Variants in NPR3 observed in about 807,000 individuals in gnomAD.
NPR3 encodes atrial natriuretic peptide receptor 3.
In NPR3, 34 loss-of-function variants were observed where a neutral mutation model predicts 54.5. The observed-to-expected ratio is 0.62, with a 90% CI of 0.47 to 0.83. The LOEUF is 0.83. Ranked by LOEUF, NPR3 falls within the 40% of genes least tolerant of loss-of-function variation. The pLI, the probability that NPR3 is intolerant of heterozygous loss-of-function variation, is 0.00. For missense variants in NPR3, 674 were observed against 720.8 expected, an observed-to-expected ratio of 0.94 and a Z score of 0.74; for synonymous variants, 289 against 297.1, an observed-to-expected ratio of 0.97 and a Z score of 0.28.
chr5:32,778,338 G>A (rs1293779502), intron 4 of NPR3, among the ~76,000 whole-genome samples: 1 of 152,064 alleles, frequency 6.6e-6, no homozygotes, highest in Non-Finnish European at 1.5e-5. Context: ...TCCATTTGAG[G>A]GTAGGCCTAA....
chr5:32,711,168 T>C (rs960458081), upstream of NPR3, among the ~76,000 whole-genome samples: 56 of 152,020 alleles, frequency 3.7e-4, no homozygotes, highest in African/African-American at 1.4e-3. Context: ...TGTAAGAATG[T>C]TAATGAGAGA....
intron 3 of NPR3, among the ~76,000 whole-genome samples, chr5:32,759,263 A>G (rs1273052140): frequency 1.3e-5 from 2 of 151,444 alleles, no homozygotes; most frequent in East Asian, 3.9e-4. Flanking sequence ...ATCTCTAAGG[A>G]CTTGCTTTAT....
At chr5:32,708,088 G>C (rs913958608), upstream of NPR3, among the ~76,000 whole-genome samples, 1 of 149,806 alleles carries the variant, frequency 6.7e-6, no homozygotes, top group Non-Finnish European at 1.5e-5. Flanking sequence ...AAGTCTATTA[G>C]TTTCTGAAAT....
chr5:32,732,247 C>CAAAAAAAA (rs34564234), intron 2 of NPR3, among the ~76,000 whole-genome samples: 1 of 33,000 alleles, frequency 3.0e-5, no homozygotes. Flanking sequence ...GACTCCGTCT[C>CAAAAAAAA]AAAAAAAAAA....
chr5:32,728,510 A>G (rs1018561889), intron 2 of NPR3, among the ~76,000 whole-genome samples: 3 of 151,184 alleles, frequency 2.0e-5, no homozygotes, highest in Non-Finnish European at 4.4e-5. Context: ...GTATTGCCAG[A>G]TTTTAATATC....
intron 3 of NPR3, among the ~76,000 whole-genome samples, chr5:32,759,348 C>T (rs1741026306): frequency 6.6e-6 from 1 of 152,162 alleles, no homozygotes; most frequent in African/African-American, 2.4e-5. Context: ...GATCCCTTTA[C>T]CATTATGTAA....
chr5:32,774,753 G>C lies in NPR3; in HGVS notation c.1105G>C (p.Val369Leu). ...ATTCCACGATGCCATCCTCCTCTAC[G>C]TCTTGGCTCTACATGAAGTACTCAG... ...EGFHDAILLY[V>L]LALHEVLRAG... The change falls in exon 4 of 8, where the codon GTC becomes CTC. Residue 369 changes from valine to leucine, a missense_variant. By Grantham distance (32) the Val-to-Leu change is conservative. Transcript: ENST00000265074. The C allele has an allele frequency of 1.2e-6, 2 of 1,607,606 alleles. No homozygotes were observed. Among genetic ancestry groups the C allele is most frequent in the Non-Finnish European group, 1.7e-6 (2 of 1,174,152 alleles).
intron 7 of NPR3, among the ~76,000 whole-genome samples, chr5:32,785,871 G>A (rs180953922): frequency 2.0e-5 from 3 of 152,288 alleles, no homozygotes; most frequent in African/African-American, 7.2e-5. Flanking sequence ...GACCCTTTGT[G>A]GGAACAATTG....
chr5:32,708,553 A>C (rs866702053), upstream of NPR3, among the ~76,000 whole-genome samples: 7 of 152,226 alleles, frequency 4.6e-5, no homozygotes, highest in African/African-American at 1.7e-4. Context: ...TTTACTTTGA[A>C]TACAATCCCA....
chr5:32,737,083 T>C (rs1739787364), intron 2 of NPR3, among the ~76,000 whole-genome samples: 1 of 152,230 alleles, frequency 6.6e-6, no homozygotes, highest in Non-Finnish European at 1.5e-5. Context: ...TGTGCTGTGA[T>C]GTAGGCTCAG....
chr5:32,762,959 T>C (rs1741255961), intron 3 of NPR3, among the ~76,000 whole-genome samples: 1 of 152,226 alleles, frequency 6.6e-6, no homozygotes, highest in African/African-American at 2.4e-5. Context: ...GTTTTTATAG[T>C]TTTAGGTCTT....
chr5:32,706,122 G>C (rs1405468075), upstream of NPR3, among the ~76,000 whole-genome samples: 3 of 152,162 alleles, frequency 2.0e-5, no homozygotes, highest in South Asian at 6.2e-4. Context: ...ATGAGATCTG[G>C]CTGTTTAAGT....
At chr5:32,717,380 G>A (rs1738614948) in intron 1 of NPR3, among the ~76,000 whole-genome samples, 1 of 152,180 alleles carries the variant, frequency 6.6e-6, no homozygotes, top group Admixed American at 6.5e-5. Flanking sequence ...TAATGGGATT[G>A]CTGGGTCAAA....
chr5:32,708,437 T>G (rs1222908290), upstream of NPR3, among the ~76,000 whole-genome samples: 1 of 152,056 alleles, frequency 6.6e-6, no homozygotes, highest in Admixed American at 6.5e-5. Context: ...GCCTCCAAAC[T>G]TAGCTATATA....
Position 32,712,315 on chromosome 5 carries a change from C to G in NPR3, c.539C>G (p.Ala180Gly), listed in dbSNP as rs1417407093. The change falls in exon 1 of 8, where the codon GCC becomes GGC. Residue 180 changes from alanine (A) to glycine (G), a missense_variant. Transcript: ENST00000265074. Reference sequence around the variant, plus strand: ...TCGCACCTCACGCGCGTGGCGCCCGCCTACGCCAAGATGGGCGAGATGATG... The same window carrying G: ...TCGCACCTCACGCGCGTGGCGCCCGGCTACGCCAAGATGGGCGAGATGATG... ...EYSHLTRVAPAYAKMGEMMLA... is the reference protein window; with the variant it reads ...EYSHLTRVAPGYAKMGEMMLA... 6.2e-7 allele frequency: 1 copy of G among 1,613,324 alleles called. No individual in the cohort carries two copies. The highest frequency in any genetic ancestry group is 8.5e-7 in the Non-Finnish European group (1 of 1,179,774).
At position 32,777,211 on chromosome 5, in the gene NPR3, G is replaced by T. The variant is rs189605126; in HGVS notation, c.1195+2368G>T. ...CTGAGGCTTTTGAGTGACATGATCTGCCTTGCCTGTTTAAAAGGGGTCCTT... is the reference window on the plus strand; with the variant it reads ...CTGAGGCTTTTGAGTGACATGATCTTCCTTGCCTGTTTAAAAGGGGTCCTT... On this transcript the variant is annotated intron_variant, in intron 4 of 7. Coordinates refer to ENST00000265074, the MANE Select transcript of NPR3 (RefSeq NM_001204375.2). Among the ~76,000 whole-genome samples, 36 of 152,284 alleles carry T rather than the reference G, an allele frequency of 2.4e-4. No homozygotes were observed. The East Asian group carries it at 2.9e-3, about 12-fold the overall frequency.
intron 3 of NPR3, among the ~76,000 whole-genome samples, chr5:32,767,531 C>CT (rs889564364): frequency 2.6e-5 from 4 of 152,152 alleles, no homozygotes; most frequent in Admixed American, 2.6e-4. Flanking sequence ...TTTTGTAAAC[C>CT]TGCTTAACCA....
chr5:32,736,850 T>C (rs1233876540), intron 2 of NPR3, among the ~76,000 whole-genome samples: 2 of 152,214 alleles, frequency 1.3e-5, no homozygotes, highest in Non-Finnish European at 2.9e-5. Context: ...CTTATGCTCA[T>C]TGAGCACAGA....
Position 32,783,133 on chromosome 5 carries a change from A to G in NPR3, c.1426+105A>G, listed in dbSNP as rs541152272. 1.6e-5 allele frequency: 17 copies of G among 1,096,136 alleles called. No individual in the cohort carries two copies. In the African/African-American group the frequency reaches 2.1e-4, roughly 13 times the overall value. 67.9% of individuals were successfully genotyped at this position (1,096,136 alleles called of 1,614,324 possible). Reference sequence around the variant, plus strand: ...CTAGGGCCTTACATTTTGGAATTTTACATTTCTTTCTCTGATGTGGTAAAA... The same window carrying G: ...CTAGGGCCTTACATTTTGGAATTTTGCATTTCTTTCTCTGATGTGGTAAAA... On this transcript the variant is annotated intron_variant, in intron 6 of 7. Coordinates refer to ENST00000265074, the MANE Select transcript of NPR3 (RefSeq NM_001204375.2).
Sources: allele counts gnomAD v4.1 joint callset (sites outside exome capture counted in the v4.1 genomes callset), GRCh38; gene constraint gnomAD v4.1.1; transcripts MANE v1.5; gene names NCBI Gene and HGNC (gene_info 2026-07-23, HGNC 2026-07-21).